BLM: variants seen among roughly 807,000 people sequenced by gnomAD.
BLM encodes BLM RecQ like helicase.
BLM carries 95 observed loss-of-function variants against 135.3 expected under a neutral mutation model. The observed-to-expected ratio is 0.70, with a 90% confidence interval of 0.59 to 0.83. The LOEUF (loss-of-function observed/expected upper bound fraction) is 0.83, where lower values mean the gene tolerates loss of function less well. Among genes scored for constraint, BLM ranks in the 40% least tolerant of loss-of-function variants. The pLI is 0.00. For missense variants in BLM, 1,518 were observed against 1,663.9 expected, an observed-to-expected ratio of 0.91 and a Z score of 1.53; for synonymous variants, 520 against 589.2, an observed-to-expected ratio of 0.88 and a Z score of 1.70.
At chr15:90,790,006 T>G (rs796975582) in intron 14 of BLM, among the ~76,000 whole-genome samples, 8 of 138,174 alleles carry the variant, frequency 5.8e-5, no homozygotes, top group African/African-American at 1.4e-4. Flanking sequence ...TTTTTTTTTT[T>G]TTTTTTTTTT....
intron 1 of BLM, among the ~76,000 whole-genome samples, chr15:90,720,675 G>A (rs889429222): frequency 6.6e-5 from 10 of 150,836 alleles, no homozygotes; most frequent in Admixed American, 2.0e-4. Context: ...CCAGCCTCCC[G>A]GGCTCAAGTG....
At chr15:90,719,926 C>T (rs1420784026) in intron 1 of BLM, among the ~76,000 whole-genome samples, 4 of 152,084 alleles carry the variant, frequency 2.6e-5, no homozygotes, top group East Asian at 3.9e-4. Flanking sequence ...CATTCTGTAT[C>T]GCTAACACAT....
Position 90,760,898 on chromosome 15 carries a change from C to A in BLM, c.1525C>A (p.Pro509Thr), listed in dbSNP as rs771610207. Residue 509 changes from proline to threonine, a missense_variant, in exon 7 of 22, where the codon CCA (proline) becomes ACA (threonine). By Grantham distance (38) the Pro-to-Thr change is conservative (BLOSUM62 -1). Transcript: ENST00000355112. ...SFVSSNWAET[P>T]RLGKKNESSY... ...TGTAAGTAGCAACTGGGCTGAAACACCAAGACTAGGAAAAAAAAATGAAAG... is the reference window on the plus strand; with the variant it reads ...TGTAAGTAGCAACTGGGCTGAAACAACAAGACTAGGAAAAAAAAATGAAAG... 1.2e-6 allele frequency: 2 copies of A among 1,613,854 alleles called. No homozygotes were observed. The highest frequency in any genetic ancestry group is 3.3e-5 in the Admixed American group (2 of 60,002).
chr15:90,781,972 A>AT (rs1373638169), intron 12 of BLM, among the ~76,000 whole-genome samples: 11 of 152,134 alleles, frequency 7.2e-5, no homozygotes, highest in Admixed American at 4.6e-4. Context: ...CACAATCCTA[A>AT]TTTTTTGTCA....
intron 1 of BLM, among the ~76,000 whole-genome samples, chr15:90,718,409 G>T: frequency 6.6e-6 from 1 of 152,282 alleles, no homozygotes; most frequent in Non-Finnish European, 1.5e-5. Context: ...ACCTCATGGC[G>T]TGAGATGGAG....
chr15:90,798,901 A>G (rs112691277), intron 17 of BLM, among the ~76,000 whole-genome samples: 1 of 149,794 alleles, frequency 6.7e-6, no homozygotes, highest in Admixed American at 6.7e-5. Context: ...GAGAATCGCT[A>G]GAACCCGGGA....
intron 1 of BLM, among the ~76,000 whole-genome samples, chr15:90,737,763 C>T (rs894448257): frequency 1.3e-5 from 2 of 151,778 alleles, no homozygotes; most frequent in Admixed American, 1.3e-4. Context: ...CTTAAAGGAA[C>T]AGTAAAAAGA....
chr15:90,765,419 G>A lies in BLM; in HGVS notation c.2193+5G>A. On this transcript the variant is annotated splice_donor_5th_base_variant and intron_variant, in intron 9 of 21. Transcript: ENST00000355112. ...CAAAAGCTGACTTCCTTGGATGTAA[G>A]TTATAAAAATACTAATAAAAACACG... 1 of 1,577,348 alleles carries A rather than the reference G, an allele frequency of 6.3e-7. No individual in the cohort carries two copies. The highest frequency in any genetic ancestry group is 8.7e-7 in the Non-Finnish European group (1 of 1,147,154).
At position 90,784,353 on chromosome 15, in the gene BLM, A is replaced by C. The variant is rs1422845808; in HGVS notation, c.2663-568A>C. On this transcript the variant is annotated intron_variant, in intron 13 of 21. Coordinates refer to ENST00000355112, the MANE Select transcript of BLM (RefSeq NM_000057.4). The stretch of plus-strand genomic sequence containing the variant: ...TTTTTTTTTTTTTTTTTTTTTTTTG[A>C]GGCTGAGTCTCACTCTATCTCCAGG... 2.8e-4 allele frequency among the ~76,000 whole-genome samples: 10 copies of C among 36,284 alleles called. No homozygotes were observed. The East Asian group carries it at 7.2e-3, about 26-fold the overall frequency. 23.8% of individuals were successfully genotyped at this position (36,284 alleles called of 152,430 possible).
intron 12 of BLM, among the ~76,000 whole-genome samples, chr15:90,781,910 G>A (rs1307208273): frequency 1.3e-5 from 2 of 152,308 alleles, no homozygotes; most frequent in East Asian, 1.9e-4. Context: ...TCATCTTGGA[G>A]TCAAGAGACT....
chr15:90,808,770 T>C, intron 19 of BLM: 2 of 347,358 alleles, frequency 5.8e-6, no homozygotes. Context: ...TGCAGCGTTC[T>C]CAGTAAAGAG....
At chr15:90,720,961 A>G (rs1894749364) in intron 1 of BLM, among the ~76,000 whole-genome samples, 1 of 152,136 alleles carries the variant, frequency 6.6e-6, no homozygotes, top group South Asian at 2.1e-4. Flanking sequence ...TGGGAAGCCA[A>G]GGTTGGGGAT....
At chr15:90,788,836 G>A (rs1260793226) in intron 14 of BLM, among the ~76,000 whole-genome samples, 1 of 151,844 alleles carries the variant, frequency 6.6e-6, no homozygotes, top group Non-Finnish European at 1.5e-5. Flanking sequence ...AGCCTGGCAT[G>A]CTGGTGCACA....
chr15:90,768,499 A>G (rs903529533), intron 10 of BLM, among the ~76,000 whole-genome samples: 2 of 152,156 alleles, frequency 1.3e-5, no homozygotes, highest in East Asian at 1.9e-4. Context: ...CCCCCAGCCA[A>G]CACGCATCCA....
chr15:90,751,784 T>G lies in BLM; in HGVS notation c.800-3T>G, dbSNP rs377266736. ...TCTATGTTTATCAACTGTTTTACTG[T>G]AGATAATAGCGAAAAGAAGAAGAAT... On this transcript the variant is annotated splice_region_variant and splice_polypyrimidine_tract_variant and intron_variant, in intron 3 of 21. Transcript: ENST00000355112. 44 of 1,609,322 alleles carry G rather than the reference T, an allele frequency of 2.7e-5. No individual in the cohort carries two copies. In the African/African-American group the frequency reaches 5.7e-4, roughly 21 times the overall value.
At chr15:90,722,760 A>G (rs1371299624) in intron 1 of BLM, among the ~76,000 whole-genome samples, 1 of 152,190 alleles carries the variant, frequency 6.6e-6, no homozygotes. Flanking sequence ...AAGAAATAGA[A>G]TATTACCAGG....
intron 2 of BLM, among the ~76,000 whole-genome samples, chr15:90,748,944 A>T (rs1895585603): frequency 1.3e-5 from 2 of 151,822 alleles, no homozygotes; most frequent in African/African-American, 4.8e-5. Context: ...TTTTTATTAG[A>T]GGTGGGGTTT....
At chr15:90,719,028 G>C (rs952375324) in intron 1 of BLM, among the ~76,000 whole-genome samples, 3 of 152,140 alleles carry the variant, frequency 2.0e-5, no homozygotes, top group Non-Finnish European at 4.4e-5. Flanking sequence ...GTCTCGCTCT[G>C]TCGCCCAGGC....
intron 14 of BLM, among the ~76,000 whole-genome samples, chr15:90,788,568 A>G (rs1252481473): frequency 1.3e-5 from 2 of 150,386 alleles, no homozygotes; most frequent in African/African-American, 2.5e-5. Flanking sequence ...GAAAATAACT[A>G]AGAGAGTTTG....
Sources: allele counts gnomAD v4.1 joint callset (sites outside exome capture counted in the v4.1 genomes callset), GRCh38; gene constraint gnomAD v4.1.1; transcripts MANE v1.5; gene names NCBI Gene and HGNC (gene_info 2026-07-23, HGNC 2026-07-21).